The following LZTS1 variants were observed in gnomAD, a reference collection of about 807,000 sequenced individuals.
LZTS1 encodes leucine zipper putative tumor suppressor 1.
In LZTS1, 31 loss-of-function variants were observed where a neutral mutation model predicts 45.8. That is an observed-to-expected ratio of 0.68 (90% CI 0.51 to 0.91). The LOEUF (loss-of-function observed/expected upper bound fraction) is 0.91. LZTS1 is among the 40% of genes least tolerant of loss of function. The probability of loss-of-function intolerance (pLI) is 0.00; values close to 1 mark genes in which losing one functional copy is unlikely to be tolerated. For synonymous variants in LZTS1, 359 were observed against 357.3 expected (o/e 1.00, Z -0.05); for missense variants, 821 against 788.9 (o/e 1.04, Z -0.49).
chr8:20,251,131 AT>A (rs1799892012), intron 3 of LZTS1, among the ~76,000 whole-genome samples: 7 of 45,972 alleles, frequency 1.5e-4, no homozygotes, highest in African/African-American at 3.2e-4. Context: ...ATATATATAT[AT>A]ATATATATAT....
intron 1 of LZTS1, among the ~76,000 whole-genome samples, chr8:20,260,982 C>T (rs991186713): frequency 5.3e-5 from 8 of 152,208 alleles, no homozygotes; most frequent in African/African-American, 1.9e-4. Flanking sequence ...TTACACAAAA[C>T]TCGGCTGTGT....
chr8:20,295,923 T>A (rs568036611), intron 1 of LZTS1, among the ~76,000 whole-genome samples: 35 of 152,278 alleles, frequency 2.3e-4, no homozygotes, highest in Non-Finnish European at 4.4e-5. Flanking sequence ...CTTGTTTCCC[T>A]GCCTCCTTCA....
At chr8:20,293,056 T>C (rs934655439) in intron 1 of LZTS1, among the ~76,000 whole-genome samples, 1 of 152,148 alleles carries the variant, frequency 6.6e-6, no homozygotes, top group Non-Finnish European at 1.5e-5. Flanking sequence ...ACCCCAGATA[T>C]TCCCCGGCTA....
intron 1 of LZTS1, among the ~76,000 whole-genome samples, chr8:20,296,903 T>C (rs1800987972): frequency 6.6e-6 from 1 of 152,174 alleles, no homozygotes; most frequent in African/African-American, 2.4e-5. Context: ...ATTTGGCCTG[T>C]CACTTAGTAA....
chr8:20,300,682 G>A (rs1801060519), intron 1 of LZTS1, among the ~76,000 whole-genome samples: 1 of 152,226 alleles, frequency 6.6e-6, no homozygotes, highest in Middle Eastern at 3.4e-3. Context: ...TCTGCTTCTA[G>A]GAGTTTTGTA....
chr8:20,301,618 A>G (rs1197303560), intron 1 of LZTS1, among the ~76,000 whole-genome samples: 1 of 152,214 alleles, frequency 6.6e-6, no homozygotes, highest in African/African-American at 2.4e-5. Context: ...TTTCAGGATT[A>G]GAAAGCCATT....
intron 2 of LZTS1, 32 bp from the exon 3 acceptor site, chr8:20,253,617 C>T (rs1422987867): frequency 5.6e-6 from 8 of 1,418,926 alleles, no homozygotes; most frequent in Non-Finnish European, 6.5e-6. Context: ...GTGACTCATG[C>T]CTCCCCTGCG....
intron 1 of LZTS1, among the ~76,000 whole-genome samples, chr8:20,267,022 C>T (rs1180170983): frequency 6.7e-6 from 1 of 149,978 alleles, no homozygotes; most frequent in Non-Finnish European, 1.5e-5. Flanking sequence ...GCCGAGGAAT[C>T]ACTTGAACCC....
intron 1 of LZTS1, among the ~76,000 whole-genome samples, chr8:20,293,597 G>A (rs1465479499): frequency 6.6e-6 from 1 of 152,232 alleles, no homozygotes; most frequent in Non-Finnish European, 1.5e-5. Context: ...GCACAGGGCT[G>A]GACATGAACC....
intron 1 of LZTS1, among the ~76,000 whole-genome samples, chr8:20,278,042 G>C (rs1247419507): frequency 6.6e-6 from 1 of 152,150 alleles, no homozygotes; most frequent in African/African-American, 2.4e-5. Context: ...CAGGGCAGGA[G>C]AGTCCCCAAC....
intron 1 of LZTS1, among the ~76,000 whole-genome samples, chr8:20,270,797 C>CTGTGTGTGTGTGTGTGTG (rs745917836): frequency 1.0e-5 from 1 of 99,324 alleles, no homozygotes; most frequent in African/African-American, 3.5e-5. Flanking sequence ...CGAGTGTGTC[C>CTGTGTGTGTGTGTGTGTG]TCTGTGTGTG....
chr8:20,299,885 C>G (rs1801045808), intron 1 of LZTS1, among the ~76,000 whole-genome samples: 1 of 152,222 alleles, frequency 6.6e-6, no homozygotes, highest in African/African-American at 2.4e-5. Flanking sequence ...TAAATCACCT[C>G]AAGATTCCCC....
intron 2 of LZTS1, among the ~76,000 whole-genome samples, 199 bp downstream of exon 2, chr8:20,254,638 A>G (rs531096753): frequency 3.7e-4 from 56 of 152,238 alleles, no homozygotes; most frequent in Non-Finnish European, 6.6e-4. Context: ...AGGGGGACTG[A>G]GCGATGCTCT....
intron 1 of LZTS1, among the ~76,000 whole-genome samples, chr8:20,300,127 T>C (rs749568167): frequency 7.2e-5 from 11 of 152,210 alleles, no homozygotes; most frequent in Admixed American, 1.3e-4. Context: ...TGGCCCCATC[T>C]AGGGAGAGGC....
chr8:20,289,445 C>G (rs1168676687), intron 1 of LZTS1: 1 of 152,298 alleles, frequency 6.6e-6, no homozygotes, highest in Non-Finnish European at 1.5e-5. Flanking sequence ...CCCTCAGAAG[C>G]TCAGGTCTGG....
intron 1 of LZTS1, among the ~76,000 whole-genome samples, chr8:20,272,949 T>G (rs1338542388): frequency 6.6e-6 from 1 of 152,164 alleles, no homozygotes; most frequent in East Asian, 1.9e-4. Flanking sequence ...CAGGGACCAC[T>G]GTCTTTTTTC....
chr8:20,249,862 C>G lies in LZTS1; in HGVS notation c.1651G>C (p.Val551Leu). Residue 551 changes from valine to leucine, a missense_variant, in exon 4 of 4, where the codon GTG becomes CTG. By Grantham distance (32) the Val-to-Leu change is conservative (BLOSUM62 1). Transcript: ENST00000381569. ...QYQKQLQQSY[V>L]AMYQRNQRLE... Reference sequence around the variant, plus strand: ...CGCTGGTTCCGCTGGTACATGGCCACGTAGCTCTGCTGCAGCTGTTTCTGG... The same window carrying G: ...CGCTGGTTCCGCTGGTACATGGCCAGGTAGCTCTGCTGCAGCTGTTTCTGG... 6.2e-7 allele frequency: 1 copy of G among 1,614,212 alleles called. No individual in the cohort carries two copies. The highest frequency in any genetic ancestry group is 8.5e-7 in the Non-Finnish European group (1 of 1,180,030).
At chr8:20,301,586 G>T (rs1801077547) in intron 1 of LZTS1, among the ~76,000 whole-genome samples, 2 of 152,170 alleles carry the variant, frequency 1.3e-5, no homozygotes, top group South Asian at 4.1e-4. Flanking sequence ...CGTTGAATAA[G>T]CGCAAAGGCA....
intron 1 of LZTS1, among the ~76,000 whole-genome samples, chr8:20,302,106 A>G (rs1801089838): frequency 6.6e-6 from 1 of 152,098 alleles, no homozygotes; most frequent in South Asian, 2.1e-4. Flanking sequence ...CCTTAGGGAA[A>G]GCCTTTCCCT....
Sources: allele counts gnomAD v4.1 joint callset (sites outside exome capture counted in the v4.1 genomes callset), GRCh38; gene constraint gnomAD v4.1.1; transcripts MANE v1.5; gene names NCBI Gene and HGNC (gene_info 2026-07-23, HGNC 2026-07-21).